Variants in LYST observed in about 807,000 individuals in gnomAD.
The protein encoded by LYST is lysosomal-trafficking regulator.
Under a neutral mutation model 413.6 loss-of-function variants are expected in LYST, and 192 were observed. The ratio of observed to expected loss-of-function variants is 0.46; its 90% CI spans 0.41 to 0.52. The LOEUF (loss-of-function observed/expected upper bound fraction) is 0.52. LYST is among the 20% of genes least tolerant of loss of function. The pLI is 0.00. For synonymous variants in LYST, 1,525 were observed against 1,567.3 expected (o/e 0.97, Z 0.64); for missense variants, 3,815 against 4,499.9 (o/e 0.85, Z 4.35).
At chr1:235,781,467 T>C (rs1476833534) in intron 15 of LYST, among the ~76,000 whole-genome samples, 1 of 152,128 alleles carries the variant, frequency 6.6e-6, no homozygotes, top group Non-Finnish European at 1.5e-5. Flanking sequence ...AATGCTATTA[T>C]GTGTGAGGTT....
At chr1:235,820,610 A>G (rs1010236322) in intron 3 of LYST, among the ~76,000 whole-genome samples, 16 of 152,230 alleles carry the variant, frequency 1.1e-4, no homozygotes, top group South Asian at 4.1e-4. Context: ...GGCTCAAGCA[A>G]TCTGTCTGCC....
At position 235,692,161 on chromosome 1, in the gene LYST, C is replaced by T. The variant is rs570749755; in HGVS notation, c.10701+1189G>A. ...CAACCTGGCTAACATGGTGAAACCC[C>T]GTCCCTACTAAAAATACAAAAATTA... On this transcript the variant is annotated intron_variant, in intron 47 of 52. Coordinates refer to ENST00000389793, the MANE Select transcript of LYST (RefSeq NM_000081.4). 3.1e-4 allele frequency among the ~76,000 whole-genome samples: 47 copies of T among 151,256 alleles called. 1 individual carries two copies. The South Asian group carries it at 9.2e-3, about 30-fold the overall frequency.
At chr1:235,720,201 A>G (rs1043871369) in intron 40 of LYST, among the ~76,000 whole-genome samples, 5 of 150,652 alleles carry the variant, frequency 3.3e-5, no homozygotes, top group African/African-American at 1.2e-4. Context: ...AAAAAAAAAA[A>G]AGGCTATTCT....
At chr1:235,796,743 C>T (rs2102792116) in intron 10 of LYST, among the ~76,000 whole-genome samples, 1 of 152,318 alleles carries the variant, frequency 6.6e-6, no homozygotes, top group Non-Finnish European at 1.5e-5. Context: ...AGACCCTTGC[C>T]AGATGCTGGC....
chr1:235,687,831 T>C (rs1660336610), intron 47 of LYST, among the ~76,000 whole-genome samples: 1 of 152,222 alleles, frequency 6.6e-6, no homozygotes, highest in Non-Finnish European at 1.5e-5. Flanking sequence ...GAAAGAAATG[T>C]CTGCTTTCAA....
intron 36 of LYST, among the ~76,000 whole-genome samples, chr1:235,730,336 G>C (rs914905807): frequency 2.6e-5 from 4 of 151,952 alleles, no homozygotes; most frequent in African/African-American, 9.7e-5. Flanking sequence ...TGAGGTAACT[G>C]AGACAGAGAG....
intron 38 of LYST, among the ~76,000 whole-genome samples, chr1:235,725,403 C>T (rs1321468383): frequency 6.6e-6 from 1 of 152,078 alleles, no homozygotes; most frequent in Admixed American, 6.6e-5. Context: ...CACTGCACTC[C>T]AGCCTCAGTG....
In LYST at chr1:235,664,465, C is replaced by T; in HGVS notation, c.11195G>A (p.Arg3732Lys). Reference protein sequence around the residue: ...IAGGLENGIVRLWSTWDLKPV... With the variant: ...IAGGLENGIVKLWSTWDLKPV... ...AAAAGAGAATCCAAATTCCTCTTACCTTACAATTCCATTTTCTAATCCCCC... is the reference window on the plus strand; with the variant it reads ...AAAAGAGAATCCAAATTCCTCTTACTTTACAATTCCATTTTCTAATCCCCC... The change falls in exon 51 of 53, where the codon AGG (arginine) becomes AAG (lysine). Residue 3732 changes from arginine (R) to lysine (K), a missense_variant and splice_region_variant. Physicochemically the swap from Arg to Lys is conservative, Grantham distance 26. Transcript: ENST00000389793. The surrounding 1 kb of genome is among the most constrained non-coding windows in gnomAD (Gnocchi z 4.5). 1 of 1,613,890 alleles carries T rather than the reference C, an allele frequency of 6.2e-7. No individual in the cohort carries two copies. Among genetic ancestry groups the T allele is most frequent in the Non-Finnish European group, 8.5e-7 (1 of 1,179,896 alleles).
At chr1:235,697,937 A>G (rs921579985) in intron 45 of LYST, among the ~76,000 whole-genome samples, 1 of 152,228 alleles carries the variant, frequency 6.6e-6, no homozygotes, top group South Asian at 2.1e-4. Flanking sequence ...AGGTGAGTGA[A>G]GACTCTAGAG....
At position 235,837,382 on chromosome 1, in the gene LYST, C is replaced by T. The variant is rs1455642440; in HGVS notation, c.-97-3715G>A. 2.6e-5 allele frequency among the ~76,000 whole-genome samples: 4 copies of T among 152,094 alleles called. No homozygotes were observed. The East Asian group carries it at 5.8e-4, about 22-fold the overall frequency. On this transcript the variant is annotated intron_variant, in intron 1 of 52. Transcript: ENST00000389793. Reference sequence around the variant, plus strand: ...GTGGCTCAAGCCTGTAATCAGAGCACTTTGGGAAGGTGAGGTAGGCTAATC... The same window carrying T: ...GTGGCTCAAGCCTGTAATCAGAGCATTTTGGGAAGGTGAGGTAGGCTAATC...
intron 3 of LYST, among the ~76,000 whole-genome samples, chr1:235,818,291 T>A (rs1350605042): frequency 6.6e-6 from 1 of 152,074 alleles, no homozygotes; most frequent in Non-Finnish European, 1.5e-5. Context: ...GTGGACCACA[T>A]AAAGGAGTTC....
intron 28 of LYST, among the ~76,000 whole-genome samples, chr1:235,748,776 T>A (rs892395370): frequency 6.6e-6 from 1 of 152,180 alleles, no homozygotes. Flanking sequence ...AAGGTCTAGA[T>A]GTAATGACGG....
At chr1:235,718,979 T>C (rs934559455) in intron 40 of LYST, among the ~76,000 whole-genome samples, 1 of 152,196 alleles carries the variant, frequency 6.6e-6, no homozygotes, top group African/African-American at 2.4e-5. Context: ...TATCCTATCT[T>C]TGGCAGCGAG....
At chr1:235,787,520 T>C in intron 13 of LYST, 147 bp from the exon 14 acceptor site, 1 of 698,696 alleles carries the variant, frequency 1.4e-6, no homozygotes, top group Non-Finnish European at 2.5e-6. Context: ...CAGTAGGTCT[T>C]CGTTTTATAC....
At position 235,664,144 on chromosome 1, in the gene LYST, G is replaced by A. The variant is rs989761063; in HGVS notation, c.11196-89C>T. On this transcript the variant is annotated intron_variant, in intron 51 of 52. Transcript: ENST00000389793. The surrounding 1 kb of genome is among the most constrained non-coding windows in gnomAD (Gnocchi z 4.5). The stretch of plus-strand genomic sequence containing the variant: ...TATTTGTTTATTTGTTAAAAATCAT[G>A]TGGAAGGAAATGTAACAAACAATTA... 1.6e-5 allele frequency: 16 copies of A among 1,006,172 alleles called. No individual in the cohort carries two copies. The highest frequency in any genetic ancestry group is 2.5e-5 in the Non-Finnish European group (16 of 631,412). The allele number at this position is 1,006,172 out of a possible 1,614,324, so 62.3% of individuals were successfully genotyped here. A position where few individuals can be genotyped will look rare whatever the true frequency, so the allele number is the denominator to read the frequency against.
chr1:235,758,144 T>C (rs1243580739), intron 23 of LYST, among the ~76,000 whole-genome samples: 3 of 152,190 alleles, frequency 2.0e-5, no homozygotes, highest in Non-Finnish European at 4.4e-5. Context: ...AGGAATGCTC[T>C]CTAGCACTGC....
intron 1 of LYST, among the ~76,000 whole-genome samples, chr1:235,842,972 C>G (rs1677383370): frequency 6.6e-6 from 1 of 152,172 alleles, no homozygotes; most frequent in African/African-American, 2.4e-5. Flanking sequence ...CACAGCAAGT[C>G]ATGACCACAT....
intron 31 of LYST, among the ~76,000 whole-genome samples, chr1:235,741,052 A>C (rs185836240): frequency 7.4e-4 from 113 of 152,306 alleles, no homozygotes; most frequent in Admixed American, 1.8e-3. Context: ...GAGATATGTT[A>C]TATATACTGT....
chr1:235,710,573 A>T (rs539954987), intron 43 of LYST, among the ~76,000 whole-genome samples: 8 of 152,344 alleles, frequency 5.3e-5, no homozygotes, highest in African/African-American at 1.7e-4. Context: ...ATGATATGAT[A>T]TACGCTGTAA....
Sources: allele counts gnomAD v4.1 joint callset (sites outside exome capture counted in the v4.1 genomes callset), GRCh38; gene constraint gnomAD v4.1.1; non-coding constraint Gnocchi (gnomAD v3.1); transcripts MANE v1.5; gene names NCBI Gene and HGNC (gene_info 2026-07-23, HGNC 2026-07-21).